IL23R: variants seen among roughly 807,000 people sequenced by gnomAD.
IL23R encodes the protein interleukin-23 receptor.
IL23R carries 34 observed loss-of-function variants against 56.9 expected under a neutral mutation model. The ratio of observed to expected loss-of-function variants is 0.60; its 90% CI spans 0.45 to 0.80. The LOEUF (loss-of-function observed/expected upper bound fraction) is 0.80, where lower values mean the gene tolerates loss of function less well. IL23R is among the 30% of genes least tolerant of loss of function. IL23R has a pLI of 0.00. For missense variants in IL23R, 635 were observed against 730.0 expected (o/e 0.87, Z 1.50); for synonymous variants, 230 against 249.2 (o/e 0.92, Z 0.73).
intron 6 of IL23R, among the ~76,000 whole-genome samples, chr1:67,214,712 G>A (rs918866511): frequency 2.0e-5 from 3 of 152,098 alleles, no homozygotes; most frequent in Non-Finnish European, 4.4e-5. Context: ...AAATAAGAGG[G>A]ATTGGTATAT....
At chr1:67,229,690 C>A (rs1396819485) in intron 7 of IL23R, among the ~76,000 whole-genome samples, 1 of 152,180 alleles carries the variant, frequency 6.6e-6, no homozygotes, top group East Asian at 1.9e-4. Flanking sequence ...TGACCGTTAC[C>A]ACTTTGGGCA....
rs749888878 is a variant in IL23R, at chr1:67,169,421, A to G, written c.150A>G (p.Ile50Met). ...TTAAGATGGGTATGAATATCTCTAT[A>G]TATTGCCAAGCAGCAATTAAGAACT... ...TIFKMGMNIS[I>M]YCQAAIKNCQ... is the part of the protein sequence containing the mutation. Residue 50 changes from isoleucine (I) to methionine (M), a missense_variant, in exon 3 of 11, where the codon ATA becomes ATG. By Grantham distance (10) the Ile-to-Met change is conservative. Transcript: ENST00000347310. The G allele has an allele frequency of 6.2e-7, 1 of 1,613,188 alleles. No homozygotes were observed. Among genetic ancestry groups the G allele is most frequent in the Non-Finnish European group, 8.5e-7 (1 of 1,179,126 alleles).
chr1:67,239,614 TTC>T (rs1166944707), intron 8 of IL23R, among the ~76,000 whole-genome samples: 2 of 152,200 alleles, frequency 1.3e-5, no homozygotes, highest in East Asian at 1.9e-4. Flanking sequence ...CAATTTTGAT[TTC>T]TTTTTTATTT....
chr1:67,261,474 G>T (rs1570938598), downstream of IL23R, among the ~76,000 whole-genome samples: 1 of 149,378 alleles, frequency 6.7e-6, no homozygotes. Flanking sequence ...TTATCCCCCA[G>T]ATAAACTCTA....
In IL23R at chr1:67,182,900, C is replaced by T; in HGVS notation, c.432C>T (p.Cys144=). The T allele has an allele frequency of 6.2e-7, 1 of 1,614,028 alleles. No homozygotes were observed. The highest frequency in any genetic ancestry group is 8.5e-7 in the Non-Finnish European group (1 of 1,179,920). The change falls in exon 4 of 11, where the codon TGC becomes TGT. Residue 144 remains cysteine, a synonymous_variant. Transcript: ENST00000347310. ...VIYEYSGNMT[C]TWNAGKLTYI... ...ATGAATATTCAGGCAACATGACTTG[C>T]ACCTGGAATGCTGGGAAGCTCACCT...
chr1:67,168,000 T>C, intron 1 of IL23R, 92 bp from the exon 2 acceptor site: 1 of 739,024 alleles, frequency 1.4e-6, no homozygotes, highest in Middle Eastern at 3.1e-4. Flanking sequence ...AAGGTTCCCA[T>C]CAAATACAAT....
intron 7 of IL23R, among the ~76,000 whole-genome samples, chr1:67,231,583 G>A (rs546239038): frequency 6.6e-6 from 1 of 152,234 alleles, no homozygotes; most frequent in African/African-American, 2.4e-5. Flanking sequence ...TGAGTCTGCA[G>A]TTGGTGTTTG....
intron 7 of IL23R, among the ~76,000 whole-genome samples, chr1:67,220,181 C>T (rs901051735): frequency 2.6e-5 from 4 of 151,834 alleles, no homozygotes; most frequent in East Asian, 1.9e-4. Context: ...CCTCCTCGGC[C>T]GACATGGTGA....
intron 9 of IL23R, among the ~76,000 whole-genome samples, chr1:67,243,936 AG>A (rs1652025682): frequency 6.6e-6 from 1 of 152,184 alleles, no homozygotes; most frequent in South Asian, 2.1e-4. Flanking sequence ...ACAGTGTAAA[AG>A]CATTCCTATT....
chr1:67,141,063 G>A (rs932315176), intron 1 of IL23R, among the ~76,000 whole-genome samples: 1 of 152,072 alleles, frequency 6.6e-6, no homozygotes, highest in Admixed American at 6.5e-5. Flanking sequence ...GTTACAAGAG[G>A]TATGAAGAAA....
intron 1 of IL23R, among the ~76,000 whole-genome samples, chr1:67,154,884 C>G (rs912915529): frequency 6.6e-6 from 1 of 152,146 alleles, no homozygotes; most frequent in Non-Finnish European, 1.5e-5. Context: ...TTTATAGTGT[C>G]ATTGGTCTTT....
chr1:67,265,584 C>A, the IL23R span, among the ~76,000 whole-genome samples: 384 of 152,158 alleles, frequency 2.5e-3, 1 homozygote, highest in African/African-American at 8.7e-3. Flanking sequence ...TATTAATGAA[C>A]ATTTAGGTTA....
intron 7 of IL23R, among the ~76,000 whole-genome samples, chr1:67,221,773 C>T (rs991994727): frequency 6.6e-6 from 1 of 152,162 alleles, no homozygotes; most frequent in Admixed American, 6.5e-5. Flanking sequence ...TTTCAAGGCA[C>T]TTTGACATAC....
chr1:67,241,709 A>G (rs1235334809), intron 9 of IL23R, among the ~76,000 whole-genome samples: 1 of 152,208 alleles, frequency 6.6e-6, no homozygotes, highest in Non-Finnish European at 1.5e-5. Flanking sequence ...GCTTGTAAAC[A>G]TTTAAAACCT....
At chr1:67,227,944 T>TTCTTTC (rs1410037963) in intron 7 of IL23R, among the ~76,000 whole-genome samples, 1,074 of 6,048 alleles carry the variant, frequency 0.18, 103 homozygotes, top group East Asian at 0.47. Context: ...ACAAAGATCT[T>TTCTTTC]TCTTTCTTTC....
intron 3 of IL23R, among the ~76,000 whole-genome samples, chr1:67,181,037 C>A (rs1647133724): frequency 6.6e-6 from 1 of 152,206 alleles, no homozygotes; most frequent in Non-Finnish European, 1.5e-5. Context: ...ACCTTTCTCT[C>A]TGGCTGTGCT....
chr1:67,146,656 G>A (rs1646682037), intron 1 of IL23R, among the ~76,000 whole-genome samples: 1 of 152,162 alleles, frequency 6.6e-6, no homozygotes, highest in Non-Finnish European at 1.5e-5. Context: ...TTGGATTCAA[G>A]TCTTTGCAAG....
intron 5 of IL23R, among the ~76,000 whole-genome samples, chr1:67,201,141 C>G (rs912050175): frequency 1.3e-5 from 2 of 151,828 alleles, no homozygotes; most frequent in Non-Finnish European, 2.9e-5. Flanking sequence ...CGGTGGCTCA[C>G]GCCTGTAATC....
chr1:67,215,489 C>CAATTGGGCCTGATATAAG (rs1472103347), intron 6 of IL23R, among the ~76,000 whole-genome samples: 2 of 152,196 alleles, frequency 1.3e-5, no homozygotes, highest in African/African-American at 4.8e-5. Flanking sequence ...CCCAATCTTT[C>CAATTGGGCCTGATATAAG]CAGTGTCTTT....
Sources: allele counts gnomAD v4.1 joint callset (sites outside exome capture counted in the v4.1 genomes callset), GRCh38; gene constraint gnomAD v4.1.1; transcripts MANE v1.5; gene names NCBI Gene and HGNC (gene_info 2026-07-23, HGNC 2026-07-21).